The following RPS6KA2 variants were observed in gnomAD, a reference collection of about 807,000 sequenced individuals.
RPS6KA2 encodes ribosomal protein S6 kinase alpha-2.
In RPS6KA2, 42 loss-of-function variants were observed where a neutral mutation model predicts 91.8. The ratio of observed to expected loss-of-function variants is 0.46; its 90% CI spans 0.36 to 0.59. RPS6KA2 has a LOEUF of 0.59. RPS6KA2 is among the 20% of genes least tolerant of loss of function. The pLI is 0.00. For missense variants in RPS6KA2, 798 were observed against 978.5 expected (o/e 0.82, Z 2.46); for synonymous variants, 414 against 393.6 (o/e 1.05, Z -0.61).
At chr6:166,529,099 C>T (rs1216689335) in intron 3 of RPS6KA2, among the ~76,000 whole-genome samples, 1 of 152,210 alleles carries the variant, frequency 6.6e-6, no homozygotes, top group Non-Finnish European at 1.5e-5. Context: ...ATAAATCATG[C>T]TGCTATAAAG....
Position 166,418,105 on chromosome 6 carries a change from A to T in RPS6KA2, c.1938+120T>A. 1.4e-6 allele frequency: 1 copy of T among 712,244 alleles called. No homozygotes were observed. The highest frequency in any genetic ancestry group is 2.4e-6 in the Non-Finnish European group (1 of 418,942). 44.1% of individuals were successfully genotyped at this position (712,244 alleles called of 1,614,324 possible). A position where few individuals can be genotyped will look rare whatever the true frequency, so the allele number is the denominator to read the frequency against. On this transcript the variant is annotated intron_variant, in intron 19 of 20. Transcript: ENST00000265678. This position sits in a 1 kb window ranked among gnomAD's most constrained non-coding sequence, Gnocchi z 4.9. ...ACTCCATTTCAAGAAAAAAAAAAAA[A>T]TATGCTGAGGATAAAATACCTATAC...
intron 2 of RPS6KA2, among the ~76,000 whole-genome samples, chr6:166,809,216 G>A (rs1458725059): frequency 1.3e-5 from 2 of 152,152 alleles, no homozygotes; most frequent in Non-Finnish European, 2.9e-5. Context: ...AGTCCTGGAA[G>A]GCTAAAGGCC....
intron 2 of RPS6KA2, among the ~76,000 whole-genome samples, chr6:166,634,253 C>T (rs559430916): frequency 2.6e-5 from 4 of 152,242 alleles, no homozygotes; most frequent in Non-Finnish European, 5.9e-5. Flanking sequence ...AAGAGCAAAC[C>T]GCAGTGGCCA....
At chr6:166,692,544 A>G (rs1789241514) in intron 2 of RPS6KA2, among the ~76,000 whole-genome samples, 1 of 152,216 alleles carries the variant, frequency 6.6e-6, no homozygotes, top group African/African-American at 2.4e-5. Context: ...AAGTAGAATA[A>G]AGTAGAATAA....
intron 2 of RPS6KA2, among the ~76,000 whole-genome samples, chr6:166,686,778 C>T (rs1789032063): frequency 6.6e-6 from 1 of 152,208 alleles, no homozygotes; most frequent in Non-Finnish European, 1.5e-5. Flanking sequence ...CTGTTTCCTG[C>T]ACCAAGCCGA....
At chr6:166,483,438 G>T (rs1034363650) in intron 10 of RPS6KA2, among the ~76,000 whole-genome samples, 1 of 152,166 alleles carries the variant, frequency 6.6e-6, no homozygotes, top group African/African-American at 2.4e-5. Flanking sequence ...AGAATCCACC[G>T]CTTCTAGCAG....
intron 2 of RPS6KA2, among the ~76,000 whole-genome samples, chr6:166,667,618 C>A (rs1788351351): frequency 1.3e-5 from 2 of 152,210 alleles, no homozygotes; most frequent in South Asian, 4.1e-4. Context: ...AAACTTTCTA[C>A]ACCTGAGGAC....
intron 1 of RPS6KA2, among the ~76,000 whole-genome samples, chr6:166,539,990 A>T (rs180943488): frequency 8.7e-4 from 132 of 152,362 alleles, no homozygotes; most frequent in Non-Finnish European, 1.4e-3. Context: ...AATTGTATGC[A>T]TAGTGTGCTC....
intron 2 of RPS6KA2, among the ~76,000 whole-genome samples, chr6:166,796,957 C>G (rs1448605189): frequency 6.6e-6 from 1 of 152,252 alleles, no homozygotes; most frequent in Non-Finnish European, 1.5e-5. Context: ...AGGTACCGAA[C>G]CTGAGAAGGC....
At chr6:166,809,910 G>A (rs770378987) in intron 2 of RPS6KA2, among the ~76,000 whole-genome samples, 1 of 152,242 alleles carries the variant, frequency 6.6e-6, no homozygotes, top group Non-Finnish European at 1.5e-5. Flanking sequence ...CTGGGGGAAT[G>A]AACAGGCATG....
At chr6:166,466,798 GTTCACTCACTCCCTCA>G (rs940407654) in intron 11 of RPS6KA2, among the ~76,000 whole-genome samples, 7 of 151,888 alleles carry the variant, frequency 4.6e-5, no homozygotes, top group South Asian at 2.1e-4. Context: ...TCATTTGCTC[GTTCACTCACTCCCTCA>G]TTCACTCACT....
chr6:166,503,554 A>ACCAGG lies in RPS6KA2; in HGVS notation c.566+947_566+951dup, dbSNP rs569304530. On this transcript the variant is annotated intron_variant, in intron 6 of 20. Coordinates refer to ENST00000265678, the MANE Select transcript of RPS6KA2 (RefSeq NM_021135.6). ...GTGGTACCCAAGGCCGGTCGGTCCC[A>ACCAGG]CCAGGCCACAGGTGATGCCTCATCT... 1.5e-3 allele frequency among the ~76,000 whole-genome samples: 224 copies of ACCAGG among 152,214 alleles called. 1 individual carries two copies. The highest frequency in any genetic ancestry group is 5.2e-3 in the African/African-American group (216 of 41,526).
rs1419150744 is a variant in RPS6KA2 at position 166,858,200 on chromosome 6, T to A, written c.123A>T (p.Glu41Asp). Reference sequence around the variant, plus strand: ...AGTGTAATAAAACGTGTATAGTTACTTCTTCTGCAGTGTCTTCTGTGGTGG... The same window carrying A: ...AGTGTAATAAAACGTGTATAGTTACATCTTCTGCAGTGTCTTCTGTGGTGG... Residue 41 changes from glutamate (E) to aspartate (D), a missense_variant and splice_region_variant, in exon 2 of 22, where the codon GAA becomes GAT. By Grantham distance (45) the Glu-to-Asp change is conservative (BLOSUM62 2). Coordinates refer to the RPS6KA2 transcript ENST00000503859. The A allele has an allele frequency of 4.6e-6, 7 of 1,514,100 alleles. No homozygotes were observed. In the Middle Eastern group the frequency reaches 5.1e-4, roughly 109 times the overall value. 93.8% of individuals were successfully genotyped at this position (1,514,100 alleles called of 1,614,324 possible).
chr6:166,818,811 C>T (rs893978825), intron 2 of RPS6KA2, among the ~76,000 whole-genome samples: 3 of 151,990 alleles, frequency 2.0e-5, no homozygotes, highest in South Asian at 2.1e-4. Context: ...TTTGAACCAA[C>T]GACTGTGTCC....
At position 166,590,915 on chromosome 6, in the gene RPS6KA2, C is replaced by G. The variant is rs143218917; in HGVS notation, c.99+36006G>C. Among the ~76,000 whole-genome samples the G allele has an allele frequency of 4.6e-5, 7 of 152,250 alleles. No individual in the cohort carries two copies. In the East Asian group the frequency reaches 1.2e-3, roughly 25 times the overall value. ...GGATTTAAAAACAGATTAAAACCAA[C>G]CCACACAAACCTTTGCAAGTAAAAT... is the stretch of plus-strand genomic sequence containing the variant. On this transcript the variant is annotated intron_variant, in intron 1 of 20. Coordinates refer to ENST00000265678, the MANE Select transcript of RPS6KA2 (RefSeq NM_021135.6).
chr6:166,703,987 A>C (rs1312203757), intron 2 of RPS6KA2, among the ~76,000 whole-genome samples: 1 of 152,258 alleles, frequency 6.6e-6, no homozygotes, highest in Non-Finnish European at 1.5e-5. Flanking sequence ...TGTCTTCAGA[A>C]GAGCTTAAAT....
At chr6:166,511,452 T>C (rs913618873) in intron 3 of RPS6KA2, among the ~76,000 whole-genome samples, 1 of 152,224 alleles carries the variant, frequency 6.6e-6, no homozygotes, top group Non-Finnish European at 1.5e-5. Context: ...ATATTCTTCT[T>C]AGTGCTCACA....
intron 2 of RPS6KA2, among the ~76,000 whole-genome samples, chr6:166,769,943 T>A (rs1286081648): frequency 2.0e-5 from 3 of 152,256 alleles, no homozygotes; most frequent in Admixed American, 1.3e-4. Context: ...CTTATTATAT[T>A]TTTGCTTTTT....
chr6:166,624,604 C>T (rs895293787), intron 1 of RPS6KA2, among the ~76,000 whole-genome samples: 4 of 152,134 alleles, frequency 2.6e-5, no homozygotes, highest in East Asian at 1.9e-4. Context: ...TTCTATGTCT[C>T]GTGTCTTTTT....
Sources: allele counts gnomAD v4.1 joint callset (sites outside exome capture counted in the v4.1 genomes callset), GRCh38; gene constraint gnomAD v4.1.1; non-coding constraint Gnocchi (gnomAD v3.1); transcripts MANE v1.5; gene names NCBI Gene and HGNC (gene_info 2026-07-23, HGNC 2026-07-21).